Variants in PROM1 observed in about 807,000 individuals in gnomAD.
The protein encoded by PROM1 is prominin-1.
Under a neutral mutation model 116.9 loss-of-function variants are expected in PROM1, and 105 were observed. The observed-to-expected ratio is 0.90, with a 90% confidence interval of 0.77 to 1.06. PROM1 has a LOEUF of 1.06. PROM1 is among the 50% of genes least tolerant of loss of function. The pLI, the probability that PROM1 is intolerant of heterozygous loss-of-function variation, is 0.00. For missense variants in PROM1, 1,122 were observed against 1,045.2 expected, an observed-to-expected ratio of 1.07 and a Z score of -1.01; for synonymous variants, 393 against 387.0, an observed-to-expected ratio of 1.02 and a Z score of -0.18.
At chr4:15,974,118 TTCTCTCTCTCTC>T (rs35011290) in intron 26 of PROM1, among the ~76,000 whole-genome samples, 1 of 149,360 alleles carries the variant, frequency 6.7e-6, no homozygotes, top group Admixed American at 6.7e-5. Flanking sequence ...CTCTCTCTCT[TTCTCTCTCTCTC>T]TCTCTCTCTC....
At chr4:16,041,777 AATAAATAAAT>A (rs1229734884) in intron 2 of PROM1, among the ~76,000 whole-genome samples, 718 of 26,736 alleles carry the variant, frequency 0.027, 6 homozygotes, top group African/African-American at 0.057. Flanking sequence ...TAAATAAATA[AATAAATAAAT>A]ATATATATAT....
At chr4:16,072,502 C>A (rs534585916) in intron 2 of PROM1, among the ~76,000 whole-genome samples, 1 of 152,228 alleles carries the variant, frequency 6.6e-6, no homozygotes, top group Admixed American at 6.5e-5. Flanking sequence ...ACCTAACCAA[C>A]TCCATCTTGC....
At chr4:16,005,295 A>C (rs1181749150) in intron 13 of PROM1, among the ~76,000 whole-genome samples, 1 of 152,114 alleles carries the variant, frequency 6.6e-6, no homozygotes, top group East Asian at 1.9e-4. Flanking sequence ...GCCTGTGAGC[A>C]TCTAAGCTTC....
chr4:15,971,485 G>A, intron 26 of PROM1: 1 of 163,488 alleles, frequency 6.1e-6, no homozygotes, highest in South Asian at 1.8e-4. Context: ...AGTTCCGCAG[G>A]GACCTTGTTA....
intron 9 of PROM1, 131 bp from the exon 10 acceptor site, chr4:16,016,371 GAAC>G: frequency 1.4e-6 from 1 of 715,780 alleles, no homozygotes. Context: ...AGTTTCTTTT[GAAC>G]AATAGAGTTT....
chr4:15,997,377 T>C (rs1722594559), intron 15 of PROM1, among the ~76,000 whole-genome samples: 1 of 149,752 alleles, frequency 6.7e-6, no homozygotes, highest in Non-Finnish European at 1.5e-5. Flanking sequence ...TTTTGCCCAG[T>C]GGTGAAATGG....
In PROM1 at chr4:16,058,204, G is replaced by A. The variant is rs908685930; in HGVS notation, c.220+17483C>T. Among the ~76,000 whole-genome samples the A allele has an allele frequency of 4.7e-4, 71 of 152,220 alleles. 1 individual carries two copies. Among genetic ancestry groups the A allele is most frequent in the African/African-American group, 1.6e-3 (65 of 41,532 alleles). On this transcript the variant is annotated intron_variant, in intron 2 of 27. Transcript: ENST00000447510. ...GCCTTATGAATCGCTCTAGGCATCC[G>A]GCTCACAGCTCAGGACAAAGCCCAG...
chr4:15,982,619 T>A (rs1718256429), intron 23 of PROM1, among the ~76,000 whole-genome samples: 1 of 152,186 alleles, frequency 6.6e-6, no homozygotes, highest in Non-Finnish European at 1.5e-5. Flanking sequence ...GCCTCCCCTC[T>A]GTCCCTGGTG....
intron 10 of PROM1, among the ~76,000 whole-genome samples, chr4:16,015,399 C>T (rs1032876093): frequency 8.3e-6 from 1 of 120,244 alleles, no homozygotes; most frequent in Non-Finnish European, 1.8e-5. Flanking sequence ...GCTTAAAAAA[C>T]TAAGTAGCGG....
intron 2 of PROM1, among the ~76,000 whole-genome samples, chr4:16,040,673 A>C (rs1404965026): frequency 2.6e-5 from 4 of 152,226 alleles, no homozygotes; most frequent in African/African-American, 9.6e-5. Flanking sequence ...CATGTGCAAA[A>C]TAAGACGTCC....
At chr4:16,043,357 C>T (rs1311537595) in intron 2 of PROM1, among the ~76,000 whole-genome samples, 1 of 152,206 alleles carries the variant, frequency 6.6e-6, no homozygotes, top group Non-Finnish European at 1.5e-5. Context: ...CTCATTCTGT[C>T]ACCCAGGCTG....
At chr4:16,030,131 C>A (rs1342901853) in intron 5 of PROM1, among the ~76,000 whole-genome samples, 1 of 152,106 alleles carries the variant, frequency 6.6e-6, no homozygotes, top group African/African-American at 2.4e-5. Context: ...TTATGCAACT[C>A]ATGATGTTTA....
intron 2 of PROM1, among the ~76,000 whole-genome samples, chr4:16,045,432 C>T (rs1312896707): frequency 6.6e-6 from 1 of 152,178 alleles, no homozygotes; most frequent in Admixed American, 6.5e-5. Context: ...ACCCAACTCA[C>T]GGCAGCCTCT....
chr4:16,039,693 G>A (rs192070741), intron 2 of PROM1, among the ~76,000 whole-genome samples: 11 of 148,930 alleles, frequency 7.4e-5, no homozygotes, highest in African/African-American at 2.2e-4. Context: ...AGCCGAAATC[G>A]CGCCACTGCA....
intron 17 of PROM1, among the ~76,000 whole-genome samples, 186 bp from the exon 18 acceptor site, chr4:15,991,479 A>T (rs761992152): frequency 3.9e-5 from 6 of 152,164 alleles, no homozygotes; most frequent in Non-Finnish European, 8.8e-5. Context: ...TTTTTATTCA[A>T]TCATATTATT....
At chr4:15,985,543 C>A in intron 22 of PROM1, 1 of 522,304 alleles carries the variant, frequency 1.9e-6, no homozygotes, top group Non-Finnish European at 3.3e-6. Context: ...AATGGAAGAA[C>A]TGCATATGGC....
intron 5 of PROM1, among the ~76,000 whole-genome samples, chr4:16,026,971 A>G (rs1365825794): frequency 6.6e-6 from 1 of 152,180 alleles, no homozygotes; most frequent in Non-Finnish European, 1.5e-5. Context: ...TGAAAAGATC[A>G]GTTTAGATCT....
intron 2 of PROM1, among the ~76,000 whole-genome samples, chr4:16,049,816 C>T (rs545121291): frequency 1.4e-4 from 21 of 152,064 alleles, no homozygotes; most frequent in Non-Finnish European, 2.6e-4. Flanking sequence ...TGTGGATGGT[C>T]TGCCACTGCA....
rs774504919 is a variant in PROM1, at chr4:16,006,557, C to T, written c.1435G>A (p.Gly479Arg). Residue 479 changes from glycine (G) to arginine (R), a missense_variant, in exon 13 of 28, where the codon GGA becomes AGA. Transcript: ENST00000447510. The part of the protein sequence containing the change: ...PTTRGCVSNT[G>R]GVFLMVGVGL... ...ACTCACACCATGAGGAAGACGCCTC[C>T]GGTGTTGGAGACACAGCCTCGGGTG... 4.4e-6 allele frequency: 7 copies of T among 1,596,600 alleles called. No individual in the cohort carries two copies. The highest frequency in any genetic ancestry group is 2.3e-5 in the East Asian group (1 of 43,968).
Sources: allele counts gnomAD v4.1 joint callset (sites outside exome capture counted in the v4.1 genomes callset), GRCh38; gene constraint gnomAD v4.1.1; transcripts MANE v1.5; gene names NCBI Gene and HGNC (gene_info 2026-07-23, HGNC 2026-07-21).